STAT3: variants seen among roughly 807,000 people sequenced by gnomAD.
The protein encoded by STAT3 is DNA-binding protein APRF.
A neutral mutation model predicts 114.3 loss-of-function variants in STAT3; 7 were observed. The ratio of observed to expected loss-of-function variants is 0.06; its 90% confidence interval spans 0.03 to 0.11. The LOEUF is 0.11. STAT3 is among the 10% of genes least tolerant of loss of function. The pLI is 1.00. For missense variants in STAT3, 364 were observed against 960.9 expected, an observed-to-expected ratio of 0.38 and a Z score of 8.21; for synonymous variants, 331 against 354.5, an observed-to-expected ratio of 0.93 and a Z score of 0.74.
chr17:42,321,790 G>A (rs1284054012), intron 21 of STAT3, among the ~76,000 whole-genome samples: 1 of 152,110 alleles, frequency 6.6e-6, no homozygotes, highest in Non-Finnish European at 1.5e-5. Flanking sequence ...CGTGTTTCAG[G>A]CATGTTTTGG....
chr17:42,348,324 G>C (rs2082788500), intron 2 of STAT3, 65 bp downstream of exon 2: 3 of 1,582,812 alleles, frequency 1.9e-6, no homozygotes, highest in Admixed American at 3.3e-5. Flanking sequence ...ATGACATTAA[G>C]AGTTCATGTC....
intron 5 of STAT3, 126 bp downstream of exon 5, chr17:42,339,188 C>T (rs1684289271): frequency 5.5e-6 from 5 of 905,464 alleles, no homozygotes; most frequent in Non-Finnish European, 8.6e-6. Flanking sequence ...CCTGAGAGGT[C>T]GAGGCTGCAG....
chr17:42,379,710 A>C lies in STAT3; in HGVS notation c.-24+8569T>G, dbSNP rs537364632. On this transcript the variant is annotated intron_variant, in intron 1 of 23. Coordinates refer to ENST00000264657, the MANE Select transcript of STAT3 (RefSeq NM_139276.3). ...GGAGCAATTCCTTGGGTGGTAATCC[A>C]TTTTTAATGTGTTAAATATTACTTA... Among the ~76,000 whole-genome samples the C allele has an allele frequency of 9.8e-5, 15 of 152,324 alleles. No individual in the cohort carries two copies. The East Asian group carries it at 2.7e-3, about 27-fold the overall frequency.
rs369501634 is a variant in STAT3, at chr17:42,329,789, A to C, written c.1110-13T>G. Reference sequence around the variant, plus strand: ...GTCCCCAGAGTCTCTGTAAGAACACAGACTGTTGTTAATAAAATAGGCTCT... The same window carrying C: ...GTCCCCAGAGTCTCTGTAAGAACACCGACTGTTGTTAATAAAATAGGCTCT... On this transcript the variant is annotated splice_polypyrimidine_tract_variant and intron_variant, in intron 11 of 23. Coordinates refer to ENST00000264657, the MANE Select transcript of STAT3 (RefSeq NM_139276.3). 1.2e-6 allele frequency: 2 copies of C among 1,614,036 alleles called. No homozygotes were observed. Among genetic ancestry groups the C allele is most frequent in the Non-Finnish European group, 1.7e-6 (2 of 1,179,982 alleles).
chr17:42,380,185 C>T (rs2084699567), intron 1 of STAT3, among the ~76,000 whole-genome samples: 1 of 151,936 alleles, frequency 6.6e-6, no homozygotes. Context: ...TACAGGCACC[C>T]GCCACCACAA....
chr17:42,315,764 C>T lies in STAT3; in HGVS notation c.2294G>A (p.Cys765Tyr), dbSNP rs773766015. Residue 765 changes from cysteine (C) to tyrosine (Y), a missense_variant, in exon 24 of 24, where the codon TGC becomes TAC. Cys to Tyr is a radical substitution (Grantham distance 194). This residue lies in a region of STAT3 where 37 missense variants were observed against 66.5 expected (regional missense o/e 0.56). Transcript: ENST00000264657. ...AGCTCCTCACATGGGGGAGGTAGCG[C>T]ACTCCGAGGTCAACTCCATGTCAAA... The part of the protein sequence containing the change: ...LTFDMELTSE[C>Y]ATSPM The T allele has an allele frequency of 1.2e-6, 2 of 1,614,066 alleles. No homozygotes were observed. The highest frequency in any genetic ancestry group is 4.5e-5 in the East Asian group (2 of 44,876).
intron 1 of STAT3, among the ~76,000 whole-genome samples, chr17:42,383,052 CAT>C (rs1376927402): frequency 6.6e-6 from 1 of 152,054 alleles, no homozygotes; most frequent in Non-Finnish European, 1.5e-5. Context: ...CCTCTGAAGA[CAT>C]GTAGCATTCA....
chr17:42,317,361 T>C, intron 21 of STAT3, 137 bp from the exon 22 acceptor site: 2 of 1,023,504 alleles, frequency 2.0e-6, no homozygotes, highest in Non-Finnish European at 1.5e-6. Context: ...GAAAGCTCCA[T>C]CTGCCCCTCA....
rs756271214 is a variant in STAT3, at chr17:42,320,727, T to TAAA, written c.2101+1552_2101+1554dup. 7.3e-3 allele frequency among the ~76,000 whole-genome samples: 438 copies of TAAA among 60,014 alleles called. 6 individuals are homozygous for TAAA. The highest frequency in any genetic ancestry group is 0.022 in the African/African-American group (345 of 15,984). The allele number at this position is 60,014 out of a possible 152,430, so 39.4% of individuals were successfully genotyped here. A position where few individuals can be genotyped will look rare whatever the true frequency, so the allele number is the denominator to read the frequency against. On this transcript the variant is annotated intron_variant, in intron 21 of 23. Transcript: ENST00000264657. ...TTGGGTGATAGAGCAAGACTTAGTC[T>TAAA]AAAAAAAAAAAAAAAAAAAAAGCCC...
chr17:42,345,718 C>G, intron 3 of STAT3, 61 bp from the exon 4 acceptor site: 1 of 1,417,580 alleles, frequency 7.1e-7, no homozygotes, highest in Admixed American at 1.9e-5. Context: ...GTGGACTGAA[C>G]TGTGGCACCT....
At chr17:42,379,034 C>T (rs564561500) in intron 1 of STAT3, among the ~76,000 whole-genome samples, 4 of 152,184 alleles carry the variant, frequency 2.6e-5, no homozygotes, top group Admixed American at 1.3e-4. Context: ...TCAAACAAAG[C>T]GGGAAACAGG....
intron 11 of STAT3, among the ~76,000 whole-genome samples, chr17:42,331,090 G>T (rs1219384722): frequency 6.6e-6 from 1 of 152,202 alleles, no homozygotes; most frequent in Non-Finnish European, 1.5e-5. Flanking sequence ...ACCCAGGTTT[G>T]TGTAAGGACT....
At position 42,313,818 on chromosome 17, in the gene STAT3, G is replaced by A. The variant is rs1445902011; in HGVS notation, c.*1927C>T. 1 of 232,886 alleles carries A rather than the reference G, an allele frequency of 4.3e-6. No individual in the cohort carries two copies. Among genetic ancestry groups the A allele is most frequent in the Non-Finnish European group, 8.5e-6 (1 of 117,566 alleles). The allele number at this position is 232,886 out of a possible 1,614,324, so 14.4% of individuals were successfully genotyped here. ...AGCTTATTATGTACTGAAGAGTGTT[G>A]CTGGAGAAGTAAGAGCTCTGCATGA... On this transcript the variant is annotated 3_prime_UTR_variant, in exon 24 of 24. Coordinates refer to ENST00000264657, the MANE Select transcript of STAT3 (RefSeq NM_139276.3).
rs886052945 is a variant in STAT3, at chr17:42,388,417, T to C, written c.-162A>G. 1.1e-5 allele frequency: 14 copies of C among 1,231,562 alleles called. No individual in the cohort carries two copies. In the South Asian group the frequency reaches 1.2e-4, roughly 11 times the overall value. 76.3% of individuals were successfully genotyped at this position (1,231,562 alleles called of 1,614,324 possible). Reference sequence around the variant, plus strand: ...GCCGGGGTGCCTGTCCAGGATCCGGTTGGGGCTTGTTCCCTCGGCTGCGAC... The same window carrying C: ...GCCGGGGTGCCTGTCCAGGATCCGGCTGGGGCTTGTTCCCTCGGCTGCGAC... On this transcript the variant is annotated 5_prime_UTR_variant, in exon 1 of 24. Transcript: ENST00000264657.
intron 1 of STAT3, among the ~76,000 whole-genome samples, chr17:42,385,263 C>G (rs946023491): frequency 6.6e-6 from 1 of 152,114 alleles, no homozygotes; most frequent in African/African-American, 2.4e-5. Context: ...AATCCCAGCA[C>G]TTTGGGAGGC....
In STAT3 at chr17:42,348,548, C is replaced by T. The variant is rs778835967; in HGVS notation, c.-23-9G>A. On this transcript the variant is annotated splice_polypyrimidine_tract_variant and intron_variant, in intron 1 of 23. Transcript: ENST00000264657. ...AAAATCAGGGGTCCCAACTGTAAAC[C>T]AAAGTGTGCATATGTTCACCACAAG... 7 of 1,612,394 alleles carry T rather than the reference C, an allele frequency of 4.3e-6. No individual in the cohort carries two copies. The highest frequency in any genetic ancestry group is 1.7e-5 in the Admixed American group (1 of 59,988).
At chr17:42,352,434 A>G (rs1458083566) in intron 1 of STAT3, among the ~76,000 whole-genome samples, 3 of 152,216 alleles carry the variant, frequency 2.0e-5, no homozygotes, top group Admixed American at 2.0e-4. Flanking sequence ...ACTAAGCACT[A>G]GCCAGAGTAA....
chr17:42,387,050 T>G (rs2085144166), intron 1 of STAT3: 1 of 152,224 alleles, frequency 6.6e-6, no homozygotes, highest in African/African-American at 2.4e-5. Context: ...CTGCTTTGCT[T>G]TATTCAAGCC....
At chr17:42,372,585 A>G (rs1402141414) in intron 1 of STAT3, among the ~76,000 whole-genome samples, 1 of 152,220 alleles carries the variant, frequency 6.6e-6, no homozygotes, top group Non-Finnish European at 1.5e-5. Flanking sequence ...GGGGGTTTCT[A>G]GGGCAGTAAA....
Sources: allele counts gnomAD v4.1 joint callset (sites outside exome capture counted in the v4.1 genomes callset), GRCh38; gene constraint gnomAD v4.1.1; regional missense constraint gnomAD v4.1.1; transcripts MANE v1.5; gene names NCBI Gene and HGNC (gene_info 2026-07-23, HGNC 2026-07-21).